The following DKK2 variants were observed in gnomAD, a reference collection of about 807,000 sequenced individuals.
DKK2 encodes dickkopf-related protein 2.
In DKK2, 11 loss-of-function variants were observed where a neutral mutation model predicts 28.1. The ratio of observed to expected loss-of-function variants is 0.39; its 90% CI spans 0.25 to 0.65. The LOEUF (loss-of-function observed/expected upper bound fraction) is 0.65. DKK2 is among the 30% of genes least tolerant of loss of function. The probability of loss-of-function intolerance (pLI) is 0.47; values close to 1 mark genes in which losing one functional copy is unlikely to be tolerated. For missense variants in DKK2, 326 were observed against 335.5 expected, an observed-to-expected ratio of 0.97 and a Z score of 0.22; for synonymous variants, 135 against 126.5, an observed-to-expected ratio of 1.07 and a Z score of -0.45.
intron 1 of DKK2, among the ~76,000 whole-genome samples, chr4:106,983,073 AAAG>A (rs1257484169): frequency 6.6e-6 from 1 of 151,146 alleles, no homozygotes; most frequent in Non-Finnish European, 1.5e-5. Flanking sequence ...AAGAAAGAAA[AAAG>A]AAAGAAACAA....
At chr4:106,992,357 A>G (rs1353073226) in intron 1 of DKK2, among the ~76,000 whole-genome samples, 1 of 152,130 alleles carries the variant, frequency 6.6e-6, no homozygotes, top group Admixed American at 6.6e-5. Flanking sequence ...TTCTCACCCA[A>G]GTCCATCTTC....
chr4:107,026,743 C>G (rs1056339025), intron 1 of DKK2, among the ~76,000 whole-genome samples: 1 of 152,090 alleles, frequency 6.6e-6, no homozygotes, highest in Non-Finnish European at 1.5e-5. Flanking sequence ...TGTTGCCCGA[C>G]TCCAGAAAAT....
In DKK2 at chr4:106,934,058, TACACACACAC is replaced by T. The variant is rs148355721; in HGVS notation, c.223-8119_223-8110del. Among the ~76,000 whole-genome samples, 735 of 140,736 alleles carry T rather than the reference TACACACACAC, an allele frequency of 5.2e-3. 4 individuals are homozygous for T. Among genetic ancestry groups the T allele is most frequent in the African/African-American group, 0.018 (687 of 38,684 alleles). The allele number at this position is 140,736 out of a possible 152,430, so 92.3% of individuals were successfully genotyped here. A position where few individuals can be genotyped will look rare whatever the true frequency, so the allele number is the denominator to read the frequency against. ...ATATATACATCTGCATACACACAGA[TACACACACAC>T]ACACACACACACACACACATATGTA... On this transcript the variant is annotated intron_variant, in intron 1 of 3. Transcript: ENST00000285311.
At chr4:107,028,411 T>A (rs10489127) in intron 1 of DKK2, among the ~76,000 whole-genome samples, 35,161 of 152,056 alleles carry the variant, frequency 0.23, 4,309 homozygotes, top group East Asian at 0.48. Context: ...GGTAATGATG[T>A]CATCAGCAAA....
At chr4:106,935,013 C>T (rs1007132188) in intron 1 of DKK2, among the ~76,000 whole-genome samples, 1 of 151,894 alleles carries the variant, frequency 6.6e-6, no homozygotes, top group Admixed American at 6.6e-5. Flanking sequence ...CAAATGATTA[C>T]CTACAGAGTT....
intron 1 of DKK2, among the ~76,000 whole-genome samples, chr4:106,954,526 C>CT (rs913312348): frequency 1.1e-4 from 17 of 151,796 alleles, no homozygotes; most frequent in African/African-American, 2.4e-4. Context: ...CTTTTCTTTT[C>CT]TTTTTTTTGT....
intron 1 of DKK2, among the ~76,000 whole-genome samples, chr4:106,956,624 C>T (rs1722596276): frequency 6.6e-6 from 1 of 152,088 alleles, no homozygotes; most frequent in South Asian, 2.1e-4. Context: ...TGATCTTTGA[C>T]AAACCTGAGA....
intron 1 of DKK2, among the ~76,000 whole-genome samples, chr4:106,941,652 T>G (rs1051670271): frequency 6.6e-6 from 1 of 152,124 alleles, no homozygotes; most frequent in South Asian, 2.1e-4. Flanking sequence ...GTTCCAAAAC[T>G]CAGGACAAAC....
intron 1 of DKK2, among the ~76,000 whole-genome samples, chr4:107,014,181 G>T (rs1384155618): frequency 6.6e-6 from 1 of 151,368 alleles, no homozygotes; most frequent in Non-Finnish European, 1.5e-5. Context: ...AGAGATACCT[G>T]CACTCTCATG....
At chr4:106,979,027 G>C (rs575364447) in intron 1 of DKK2, among the ~76,000 whole-genome samples, 1 of 151,890 alleles carries the variant, frequency 6.6e-6, no homozygotes, top group East Asian at 1.9e-4. Flanking sequence ...TCCCCGACCT[G>C]TATTAATCTT....
chr4:106,942,825 C>T (rs376263854), intron 1 of DKK2, among the ~76,000 whole-genome samples: 4 of 151,858 alleles, frequency 2.6e-5, no homozygotes, highest in East Asian at 1.9e-4. Flanking sequence ...ATGTTTAGTA[C>T]GCTATATAAA....
chr4:106,940,519 A>G (rs1423798684), intron 1 of DKK2, among the ~76,000 whole-genome samples: 3 of 150,652 alleles, frequency 2.0e-5, no homozygotes, highest in African/African-American at 7.4e-5. Flanking sequence ...TGGGACCGTA[A>G]ACTAGTTCAA....
intron 1 of DKK2, among the ~76,000 whole-genome samples, chr4:106,947,714 A>C: frequency 6.8e-6 from 1 of 146,152 alleles, no homozygotes; most frequent in African/African-American, 2.5e-5. Flanking sequence ...ATGCTCTGTC[A>C]CCCAGGCTGG....
intron 1 of DKK2, among the ~76,000 whole-genome samples, chr4:106,952,674 AAAAAT>A (rs1175327085): frequency 6.6e-6 from 1 of 152,160 alleles, no homozygotes. Flanking sequence ...TCTCAAAAAT[AAAAAT>A]AGCCTCCAAA....
intron 1 of DKK2, among the ~76,000 whole-genome samples, chr4:107,004,429 C>A (rs1350363150): frequency 6.6e-6 from 1 of 152,186 alleles, no homozygotes; most frequent in Admixed American, 6.5e-5. Flanking sequence ...TGACTTAGAC[C>A]AAAGCTCCAA....
At chr4:107,003,756 T>C (rs1578374859) in intron 1 of DKK2, among the ~76,000 whole-genome samples, 1 of 152,186 alleles carries the variant, frequency 6.6e-6, no homozygotes, top group African/African-American at 2.4e-5. Flanking sequence ...CAGGACCGGG[T>C]CCAGCGTCAT....
At chr4:106,978,791 A>AAAAAAG (rs1473837213) in intron 1 of DKK2, among the ~76,000 whole-genome samples, 1 of 142,968 alleles carries the variant, frequency 7.0e-6, no homozygotes. Context: ...GGGGTATGAT[A>AAAAAAG]AAAAAGAAAA....
chr4:106,995,718 T>A (rs1723262880), intron 1 of DKK2, among the ~76,000 whole-genome samples: 1 of 152,092 alleles, frequency 6.6e-6, no homozygotes, highest in Non-Finnish European at 1.5e-5. Flanking sequence ...GTTCAAGCGA[T>A]TCTCCTGCCT....
At chr4:106,981,977 A>C (rs1723032599) in intron 1 of DKK2, among the ~76,000 whole-genome samples, 1 of 152,164 alleles carries the variant, frequency 6.6e-6, no homozygotes, top group Non-Finnish European at 1.5e-5. Flanking sequence ...TTATGTGCTC[A>C]ATAAATATTG....
Sources: gnomAD v4.1 joint callset for allele counts (sites outside exome capture counted in the v4.1 genomes callset) on GRCh38, gnomAD v4.1.1 for gene constraint, MANE v1.5 for transcripts, NCBI Gene and HGNC (gene_info 2026-07-23, HGNC 2026-07-21) for gene names.